The following NPNT variants were observed in gnomAD, a reference collection of about 807,000 sequenced individuals.
NPNT encodes preosteoblast EGF-like repeat protein with MAM domain.
Under a neutral mutation model 68.6 loss-of-function variants are expected in NPNT, and 45 were observed. The ratio of observed to expected loss-of-function variants is 0.66; its 90% CI spans 0.52 to 0.84. NPNT has a LOEUF of 0.84. NPNT is among the 40% of genes least tolerant of loss of function. The probability of loss-of-function intolerance (pLI) is 0.00; values close to 1 mark genes in which losing one functional copy is unlikely to be tolerated. For synonymous variants in NPNT, 233 were observed against 253.3 expected (o/e 0.92, Z 0.76); for missense variants, 672 against 714.8 (o/e 0.94, Z 0.68).
rs1732221427 is a variant in NPNT, at chr4:105,967,208, T to C, written c.1366T>C (p.Ser456Pro). 1 of 1,613,716 alleles carries C rather than the reference T, an allele frequency of 6.2e-7. No individual in the cohort carries two copies. Among genetic ancestry groups the C allele is most frequent in the Non-Finnish European group, 8.5e-7 (1 of 1,180,010 alleles). Residue 456 changes from serine to proline, a missense_variant, in exon 11 of 12, where the codon TCG (serine) becomes CCG (proline). By Grantham distance (74) the Ser-to-Pro change is moderately conservative (BLOSUM62 -1). Coordinates refer to ENST00000379987, the MANE Select transcript of NPNT (RefSeq NM_001033047.3). Reference protein sequence around the residue: ...DPAGGQYLTVSAAKAPGGKAA... With the variant: ...DPAGGQYLTVPAAKAPGGKAA... Reference sequence around the variant, plus strand: ...TCCAGGTGGACAATATCTGACAGTGTCGGCAGCCAAAGCCCCAGGGGGAAA... The same window carrying C: ...TCCAGGTGGACAATATCTGACAGTGCCGGCAGCCAAAGCCCCAGGGGGAAA...
At chr4:105,898,328 GTC>G (rs66945682) in intron 2 of NPNT, among the ~76,000 whole-genome samples, 4,864 of 53,890 alleles carry the variant, frequency 0.09, 179 homozygotes, top group Admixed American at 0.19. Context: ...CTCTCTCTCT[GTC>G]TCTCTCTCTC....
intron 8 of NPNT, among the ~76,000 whole-genome samples, chr4:105,944,991 C>A (rs539577032): frequency 1.3e-5 from 2 of 152,204 alleles, no homozygotes; most frequent in Admixed American, 6.5e-5. Context: ...TCTGGCATAA[C>A]TTCTTAAATC....
chr4:105,958,483 C>T lies in NPNT; in HGVS notation c.1172C>T (p.Pro391Leu). 1.2e-6 allele frequency: 2 copies of T among 1,609,256 alleles called. No homozygotes were observed. Among genetic ancestry groups the T allele is most frequent in the Non-Finnish European group, 1.7e-6 (2 of 1,176,460 alleles). Residue 391 changes from proline (P) to leucine (L), a missense_variant, in exon 9 of 12, where the codon CCT becomes CTT. By Grantham distance (98) the Pro-to-Leu change is moderately conservative (BLOSUM62 -3). Transcript: ENST00000379987. ...PRGDVFIPRQPSNDLFEIFEI... is the reference protein window; with the variant it reads ...PRGDVFIPRQLSNDLFEIFEI... ...CTTTCTCTTGCAGTTCCACGGCAAC[C>T]TTCAAATGACTTGTTTGAAATATTT...
chr4:105,953,089 C>T (rs565124338), intron 8 of NPNT, among the ~76,000 whole-genome samples: 14 of 152,220 alleles, frequency 9.2e-5, no homozygotes, highest in African/African-American at 3.4e-4. Flanking sequence ...TTGCTTGAAC[C>T]CGGGAGGCAG....
intron 2 of NPNT, among the ~76,000 whole-genome samples, chr4:105,916,500 G>T (rs544416373): frequency 6.6e-6 from 1 of 151,976 alleles, no homozygotes; most frequent in Non-Finnish European, 1.5e-5. Flanking sequence ...GAGATTACAG[G>T]CCTGGGCCAC....
chr4:105,898,108 C>T, intron 2 of NPNT, 107 bp downstream of exon 2: 1 of 719,476 alleles, frequency 1.4e-6, no homozygotes, highest in Non-Finnish European at 2.3e-6. Context: ...CAAGGCTTGG[C>T]CTTGCAGGTC....
intron 2 of NPNT, among the ~76,000 whole-genome samples, chr4:105,910,460 A>G (rs1727268351): frequency 6.6e-6 from 1 of 152,146 alleles, no homozygotes; most frequent in South Asian, 2.1e-4. Flanking sequence ...TGTGCTATGA[A>G]TGAATCCTAT....
rs770999664 is a variant in NPNT at position 105,940,512 on chromosome 4, A to G, written c.641-2A>G. On this transcript the variant is annotated splice_acceptor_variant, in intron 6 of 11. Transcript: ENST00000379987. LOFTEE classifies it high-confidence loss of function. ...CTCTTCTTTTCCTACTTTCTGATGCAGACATAGACGAATGCTCACTTGGTC... is the reference window on the plus strand; with the variant it reads ...CTCTTCTTTTCCTACTTTCTGATGCGGACATAGACGAATGCTCACTTGGTC... 51 of 1,610,974 alleles carry G rather than the reference A, an allele frequency of 3.2e-5. No homozygotes were observed. The highest frequency in any genetic ancestry group is 4.2e-5 in the Non-Finnish European group (49 of 1,178,314).
chr4:105,970,202 T>G lies in NPNT; in HGVS notation c.*1212T>G. 5.4e-6 allele frequency: 3 copies of G among 552,270 alleles called. No homozygotes were observed. The highest frequency in any genetic ancestry group is 9.8e-6 in the Non-Finnish European group (3 of 307,382). 34.2% of individuals were successfully genotyped at this position (552,270 alleles called of 1,614,324 possible). ...GGCATGGGATGTGTTGGAACGGGAT[T>G]TACACACACTGGAGGAGCAGGGCAA... On this transcript the variant is annotated 3_prime_UTR_variant, in exon 12 of 12. Coordinates refer to ENST00000379987, the MANE Select transcript of NPNT (RefSeq NM_001033047.3).
intron 2 of NPNT, among the ~76,000 whole-genome samples, chr4:105,902,000 A>C (rs1167831016): frequency 1.3e-5 from 2 of 152,212 alleles, no homozygotes. Flanking sequence ...TTGAGCAGAG[A>C]ATTTTGATTT....
intron 1 of NPNT, among the ~76,000 whole-genome samples, chr4:105,897,104 G>A (rs1044840976): frequency 1.1e-4 from 16 of 152,250 alleles, no homozygotes; most frequent in African/African-American, 3.6e-4. Flanking sequence ...TTGATACCCA[G>A]AGGAAAAAAG....
At chr4:105,936,370 C>G (rs954600718) in intron 3 of NPNT, among the ~76,000 whole-genome samples, 12 of 152,102 alleles carry the variant, frequency 7.9e-5, no homozygotes, top group African/African-American at 2.7e-4. Context: ...CCAGATTGAA[C>G]AAGAAAAACT....
intron 1 of NPNT, among the ~76,000 whole-genome samples, chr4:105,896,439 C>T (rs1295874430): frequency 6.6e-6 from 1 of 152,058 alleles, no homozygotes; most frequent in African/African-American, 2.4e-5. Flanking sequence ...GCCGGTCCTC[C>T]CGCGCTCCGG....
In NPNT at chr4:105,927,406, T is replaced by C; in HGVS notation, c.243T>C (p.Tyr81=). 1 of 1,611,806 alleles carries C rather than the reference T, an allele frequency of 6.2e-7. No homozygotes were observed. Among genetic ancestry groups the C allele is most frequent in the South Asian group, 1.1e-5 (1 of 90,990 alleles). ...ACAAGTGCAAGTGTCATCCTGGTTA[T>C]GCTGGAAAAACCTGTAATCAAGGTA... ...GPNKCKCHPG[Y]AGKTCNQDLN... is the part of the protein sequence containing the mutation. Residue 81 remains tyrosine, a synonymous_variant, in exon 3 of 12, where the codon TAT becomes TAC. Transcript: ENST00000379987.
intron 2 of NPNT, among the ~76,000 whole-genome samples, chr4:105,915,390 A>T (rs888307860): frequency 6.6e-6 from 1 of 152,162 alleles, no homozygotes; most frequent in Non-Finnish European, 1.5e-5. Context: ...GGGGGGGCAC[A>T]TGGGCTTGGC....
At chr4:105,911,373 TAAATTATAC>T (rs1727350645) in intron 2 of NPNT, among the ~76,000 whole-genome samples, 1 of 152,160 alleles carries the variant, frequency 6.6e-6, no homozygotes, top group Non-Finnish European at 1.5e-5. Context: ...CACCTAATTT[TAAATTATAC>T]AAATTATACA....
At chr4:105,957,208 A>C (rs1253619878) in intron 8 of NPNT, among the ~76,000 whole-genome samples, 4 of 152,090 alleles carry the variant, frequency 2.6e-5, no homozygotes, top group Admixed American at 2.6e-4. Context: ...ACTCTCCATG[A>C]TGTCTTCCTT....
chr4:105,928,627 A>G (rs1728871575), intron 3 of NPNT, among the ~76,000 whole-genome samples: 2 of 151,736 alleles, frequency 1.3e-5, no homozygotes, highest in African/African-American at 2.4e-5. Context: ...AAAAAAAAAA[A>G]AAAGAAAAAA....
chr4:105,928,460 G>GAAA (rs1351976399), intron 3 of NPNT, among the ~76,000 whole-genome samples: 2 of 151,572 alleles, frequency 1.3e-5, no homozygotes, highest in Admixed American at 6.6e-5. Flanking sequence ...CTAAAAATAC[G>GAAA]AAATTAGCTG....
Sources: allele counts gnomAD v4.1 joint callset (sites outside exome capture counted in the v4.1 genomes callset), GRCh38; gene constraint gnomAD v4.1.1; transcripts MANE v1.5; gene names NCBI Gene and HGNC (gene_info 2026-07-23, HGNC 2026-07-21).